OSBPL11: variants seen among roughly 807,000 people sequenced by gnomAD.
OSBPL11 encodes oxysterol binding protein like 11.
A neutral mutation model predicts 84.4 loss-of-function variants in OSBPL11; 33 were observed. That is an observed-to-expected ratio of 0.39 (90% confidence interval 0.30 to 0.52). OSBPL11 has a LOEUF of 0.52. Among genes scored for constraint, OSBPL11 ranks in the 20% least tolerant of loss-of-function variants. OSBPL11 has a pLI of 0.72. For synonymous variants in OSBPL11, 276 were observed against 310.2 expected, an observed-to-expected ratio of 0.89 and a Z score of 1.16; for missense variants, 736 against 901.1, an observed-to-expected ratio of 0.82 and a Z score of 2.35.
At chr3:125,557,791 C>CT (rs11295103) in intron 8 of OSBPL11, among the ~76,000 whole-genome samples, 6,074 of 81,990 alleles carry the variant, frequency 0.074, 489 homozygotes, top group Non-Finnish European at 0.1. Context: ...ATACAACTTT[C>CT]TTTTTTTTTT....
At chr3:125,578,363 T>C (rs1020864723) in intron 4 of OSBPL11, among the ~76,000 whole-genome samples, 1 of 152,062 alleles carries the variant, frequency 6.6e-6, no homozygotes, top group African/African-American at 2.4e-5. Flanking sequence ...GCTAGGGGAT[T>C]GGGAAGGAGA....
intron 9 of OSBPL11, among the ~76,000 whole-genome samples, chr3:125,551,320 ATATT>A (rs1200383689): frequency 2.0e-5 from 3 of 151,504 alleles, no homozygotes; most frequent in African/African-American, 7.2e-5. Flanking sequence ...AAAACTATAT[ATATT>A]ATTAATTCTA....
chr3:125,552,854 A>C (rs780166412), intron 8 of OSBPL11, among the ~76,000 whole-genome samples, 175 bp from the exon 9 acceptor site: 1 of 152,260 alleles, frequency 6.6e-6, no homozygotes, highest in Non-Finnish European at 1.5e-5. Flanking sequence ...GCAGTGGCTC[A>C]TGCCTATAAT....
At position 125,595,357 on chromosome 3, in the gene OSBPL11, G is replaced by A. The variant is rs528057328; in HGVS notation, c.-557C>T. The stretch of plus-strand genomic sequence containing the variant: ...GGAATGAGGCCGCCGGGGGCGGGAC[G>A]CCGGCTCCCGGGGCCGCCTCTCCCA... On this transcript the variant is annotated 5_prime_UTR_variant, in exon 1 of 13. Transcript: ENST00000296220. Among the ~76,000 whole-genome samples the A allele has an allele frequency of 2.3e-3, 347 of 152,222 alleles. 1 individual carries two copies. The highest frequency in any genetic ancestry group is 4.2e-3 in the Non-Finnish European group (287 of 67,978).
Position 125,595,124 on chromosome 3 carries a change from G to A in OSBPL11, c.-324C>T. 4.9e-6 allele frequency: 1 copy of A among 202,690 alleles called. No homozygotes were observed. Among genetic ancestry groups the A allele is most frequent in the Non-Finnish European group, 1.0e-5 (1 of 98,572 alleles). The allele number at this position is 202,690 out of a possible 1,614,324, so 12.6% of individuals were successfully genotyped here. ...AAAAGAGAAGGAGTGTGGGGAGGTCGCAGATTCTGTAGCCAAGACGGCTGG... is the reference window on the plus strand; with the variant it reads ...AAAAGAGAAGGAGTGTGGGGAGGTCACAGATTCTGTAGCCAAGACGGCTGG... On this transcript the variant is annotated 5_prime_UTR_variant, in exon 1 of 13. Coordinates refer to ENST00000296220, the MANE Select transcript of OSBPL11 (RefSeq NM_022776.5).
intron 9 of OSBPL11, among the ~76,000 whole-genome samples, chr3:125,549,915 G>A (rs912546680): frequency 6.6e-6 from 1 of 152,102 alleles, no homozygotes; most frequent in Non-Finnish European, 1.5e-5. Context: ...GGTTCTAAAT[G>A]TGTCTATTCC....
chr3:125,574,106 T>G (rs1023148825), intron 5 of OSBPL11, among the ~76,000 whole-genome samples: 3 of 152,106 alleles, frequency 2.0e-5, no homozygotes, highest in Non-Finnish European at 4.4e-5. Context: ...GTCAAACTAT[T>G]TTTATAAGAA....
chr3:125,537,605 C>T (rs186110351), intron 11 of OSBPL11, among the ~76,000 whole-genome samples: 1 of 152,164 alleles, frequency 6.6e-6, no homozygotes, highest in Non-Finnish European at 1.5e-5. Flanking sequence ...TCCCTTTTCA[C>T]ACCTAGTTAG....
chr3:125,582,649 C>T (rs1223240936), intron 2 of OSBPL11, among the ~76,000 whole-genome samples: 1 of 152,168 alleles, frequency 6.6e-6, no homozygotes, highest in Non-Finnish European at 1.5e-5. Flanking sequence ...TGCAAGTATA[C>T]AATGCCCAAG....
intron 10 of OSBPL11, among the ~76,000 whole-genome samples, chr3:125,542,332 C>CTTT (rs201669800): frequency 1.1e-5 from 1 of 95,122 alleles, no homozygotes; most frequent in African/African-American, 4.0e-5. Flanking sequence ...TTTTTCTTTT[C>CTTT]TTTCTTTTTT....
At chr3:125,547,384 A>C in intron 10 of OSBPL11, 22 bp downstream of exon 10, 1 of 1,593,398 alleles carries the variant, frequency 6.3e-7, no homozygotes, top group Non-Finnish European at 8.6e-7. Flanking sequence ...TAAGAACTAG[A>C]TAATCATTAA....
At chr3:125,542,098 A>G in intron 10 of OSBPL11, among the ~76,000 whole-genome samples, 1 of 152,224 alleles carries the variant, frequency 6.6e-6, no homozygotes. Flanking sequence ...TTGAGAAAAT[A>G]ACCCGAAGAA....
rs112816745 is a variant in OSBPL11, at chr3:125,578,648, G to A, written c.489+312C>T. On this transcript the variant is annotated intron_variant, in intron 4 of 12. Transcript: ENST00000296220. Reference sequence around the variant, plus strand: ...AAGCTGGGTGTGGTGGTGTGTGCCTGTAGTCCCAGCTACTTGGGAGGCTGA... The same window carrying A: ...AAGCTGGGTGTGGTGGTGTGTGCCTATAGTCCCAGCTACTTGGGAGGCTGA... Among the ~76,000 whole-genome samples the A allele has an allele frequency of 6.8e-3, 1,041 of 152,222 alleles. 11 individuals are homozygous for A. The highest frequency in any genetic ancestry group is 0.024 in the African/African-American group (977 of 41,528).
intron 4 of OSBPL11, among the ~76,000 whole-genome samples, chr3:125,577,241 A>T (rs1376281072): frequency 2.6e-5 from 4 of 152,194 alleles, no homozygotes; most frequent in African/African-American, 9.6e-5. Flanking sequence ...AAGCCAAGTT[A>T]TCACCTAGGT....
chr3:125,586,600 C>T (rs963379621), intron 1 of OSBPL11, among the ~76,000 whole-genome samples: 7 of 152,058 alleles, frequency 4.6e-5, no homozygotes, highest in African/African-American at 1.4e-4. Context: ...ACAACCTCCG[C>T]CTGCTGTGTT....
intron 9 of OSBPL11, among the ~76,000 whole-genome samples, chr3:125,551,725 C>A (rs1026287304): frequency 6.6e-6 from 1 of 151,666 alleles, no homozygotes; most frequent in African/African-American, 2.4e-5. Context: ...TTGCAGTGAG[C>A]GGAGATAGCA....
chr3:125,560,186 AG>A (rs963830849), intron 8 of OSBPL11, among the ~76,000 whole-genome samples, 192 bp downstream of exon 8: 1 of 152,146 alleles, frequency 6.6e-6, no homozygotes, highest in African/African-American at 2.4e-5. Context: ...GCCTGAACCC[AG>A]GAAGTGGAGG....
At chr3:125,534,331 C>G (rs963858533) in intron 11 of OSBPL11, among the ~76,000 whole-genome samples, 6 of 151,324 alleles carry the variant, frequency 4.0e-5, no homozygotes, top group Admixed American at 4.0e-4. Flanking sequence ...TGCAGTGAGC[C>G]GAGACTGCAT....
At chr3:125,537,686 T>C (rs1935662725) in intron 11 of OSBPL11, among the ~76,000 whole-genome samples, 1 of 152,188 alleles carries the variant, frequency 6.6e-6, no homozygotes, top group East Asian at 1.9e-4. Context: ...TTTTTTTCTA[T>C]TTTTAATTGA....
Sources: gnomAD v4.1 joint callset for allele counts (sites outside exome capture counted in the v4.1 genomes callset) on GRCh38, gnomAD v4.1.1 for gene constraint, MANE v1.5 for transcripts, NCBI Gene and HGNC (gene_info 2026-07-23, HGNC 2026-07-21) for gene names.